The following PPP3CA variants were observed in gnomAD, a reference collection of about 807,000 sequenced individuals.
PPP3CA encodes the protein CAM-PRP catalytic subunit.
A neutral mutation model predicts 66.5 loss-of-function variants in PPP3CA; 14 were observed. The observed-to-expected ratio is 0.21, with a 90% CI of 0.14 to 0.33. The LOEUF (loss-of-function observed/expected upper bound fraction) is 0.33. PPP3CA is among the 10% of genes least tolerant of loss of function. The pLI is 1.00. For missense variants in PPP3CA, 317 were observed against 639.5 expected, an observed-to-expected ratio of 0.50 and a Z score of 5.44; for synonymous variants, 232 against 226.2, an observed-to-expected ratio of 1.03 and a Z score of -0.23.
chr4:101,198,820 C>G (rs1000492284), intron 1 of PPP3CA, among the ~76,000 whole-genome samples: 2 of 152,112 alleles, frequency 1.3e-5, no homozygotes, highest in African/African-American at 4.8e-5. Flanking sequence ...CCAGTAATTG[C>G]TAATCCTAAG....
At chr4:101,298,059 A>G (rs1304273885) in intron 1 of PPP3CA, among the ~76,000 whole-genome samples, 1 of 152,092 alleles carries the variant, frequency 6.6e-6, no homozygotes, top group Non-Finnish European at 1.5e-5. Flanking sequence ...GGAATAGGCA[A>G]TTCCAATAAG....
At chr4:101,179,239 T>C (rs1404988498) in intron 2 of PPP3CA, among the ~76,000 whole-genome samples, 1 of 151,948 alleles carries the variant, frequency 6.6e-6, no homozygotes, top group Non-Finnish European at 1.5e-5. Context: ...GTTCCTAGAG[T>C]GCTAGTTAAA....
At chr4:101,146,004 C>T (rs1369122427) in intron 2 of PPP3CA, among the ~76,000 whole-genome samples, 1 of 152,116 alleles carries the variant, frequency 6.6e-6, no homozygotes, top group African/African-American at 2.4e-5. Flanking sequence ...CATTGATTCA[C>T]AGATATTTTC....
chr4:101,275,416 C>T lies in PPP3CA; in HGVS notation c.58+71323G>A, dbSNP rs183243827. 5.3e-3 allele frequency among the ~76,000 whole-genome samples: 814 copies of T among 152,232 alleles called. 10 individuals are homozygous for T. The highest frequency in any genetic ancestry group is 0.018 in the African/African-American group (761 of 41,540). ...GTTATACCTTCTTTCACGTCAAATCCTTAAGAAACACGGTTGCCAGTATAT... is the reference window on the plus strand; with the variant it reads ...GTTATACCTTCTTTCACGTCAAATCTTTAAGAAACACGGTTGCCAGTATAT... On this transcript the variant is annotated intron_variant, in intron 1 of 13. Coordinates refer to ENST00000394854, the MANE Select transcript of PPP3CA (RefSeq NM_000944.5).
At chr4:101,123,868 C>T (rs1457925463) in intron 2 of PPP3CA, among the ~76,000 whole-genome samples, 1 of 152,102 alleles carries the variant, frequency 6.6e-6, no homozygotes, top group Non-Finnish European at 1.5e-5. Context: ...ATATCATCTC[C>T]CATACAAAGT....
At chr4:101,284,527 A>C (rs1727777447) in intron 1 of PPP3CA, among the ~76,000 whole-genome samples, 1 of 152,230 alleles carries the variant, frequency 6.6e-6, no homozygotes, top group Non-Finnish European at 1.5e-5. Context: ...AAAGATACCA[A>C]CTAAAAATGT....
intron 1 of PPP3CA, among the ~76,000 whole-genome samples, chr4:101,312,273 G>T (rs1480673489): frequency 1.3e-5 from 2 of 152,010 alleles, no homozygotes; most frequent in African/African-American, 2.4e-5. Flanking sequence ...TGTAAGTACA[G>T]ATGTTCCTCT....
intron 6 of PPP3CA, among the ~76,000 whole-genome samples, chr4:101,093,279 T>G (rs1257954230): frequency 6.6e-6 from 1 of 152,166 alleles, no homozygotes; most frequent in Non-Finnish European, 1.5e-5. Flanking sequence ...CCACCCTGAT[T>G]AGTCAGTAAC....
intron 3 of PPP3CA, among the ~76,000 whole-genome samples, chr4:101,106,798 T>G (rs1730776164): frequency 6.6e-6 from 1 of 152,152 alleles, no homozygotes; most frequent in African/African-American, 2.4e-5. Context: ...GTAGCCATCT[T>G]GGGTTACTAG....
At chr4:101,299,449 C>A (rs892730395) in intron 1 of PPP3CA, among the ~76,000 whole-genome samples, 1 of 151,330 alleles carries the variant, frequency 6.6e-6, no homozygotes, top group Non-Finnish European at 1.5e-5. Context: ...CTTGAACAAT[C>A]CTCCCACCTC....
intron 3 of PPP3CA, among the ~76,000 whole-genome samples, chr4:101,108,752 G>C (rs969464255): frequency 1.6e-4 from 25 of 152,248 alleles, no homozygotes; most frequent in African/African-American, 5.8e-4. Context: ...CTGGGCGACA[G>C]AGTGAGACTC....
intron 3 of PPP3CA, among the ~76,000 whole-genome samples, chr4:101,106,600 A>C (rs986876964): frequency 6.6e-6 from 1 of 152,106 alleles, no homozygotes; most frequent in Non-Finnish European, 1.5e-5. Flanking sequence ...TGCCTACCAC[A>C]GTCTTCCTTA....
chr4:101,256,704 T>C (rs1158590412), intron 1 of PPP3CA, among the ~76,000 whole-genome samples: 1 of 152,032 alleles, frequency 6.6e-6, no homozygotes, highest in African/African-American at 2.4e-5. Flanking sequence ...GCTTTATGTT[T>C]TGGGAATGTT....
At chr4:101,050,098 T>C (rs1353953939) in intron 10 of PPP3CA, among the ~76,000 whole-genome samples, 1 of 152,114 alleles carries the variant, frequency 6.6e-6, no homozygotes, top group Non-Finnish European at 1.5e-5. Context: ...AGAAAGTAGA[T>C]GGTCCCCAAG....
chr4:101,075,880 T>C (rs991909947), intron 8 of PPP3CA, among the ~76,000 whole-genome samples: 25 of 152,230 alleles, frequency 1.6e-4, no homozygotes, highest in Admixed American at 4.6e-4. Flanking sequence ...TCTATCATAC[T>C]ACCAGATTAT....
chr4:101,336,875 A>C (rs1476784684), intron 1 of PPP3CA, among the ~76,000 whole-genome samples: 7 of 152,204 alleles, frequency 4.6e-5, no homozygotes, highest in Admixed American at 4.6e-4. Context: ...AGATAGCCTA[A>C]GCTAGAATTC....
rs142111403 is a variant in PPP3CA, at chr4:101,196,339, G to A, written c.59-223C>T. ...TGCTTAAACAAAATTGATAGTTCTT[G>A]TTCATCCAGTACTATCTCTTGCATC... On this transcript the variant is annotated intron_variant, in intron 1 of 13. Transcript: ENST00000394854. Among the ~76,000 whole-genome samples the A allele has an allele frequency of 3.9e-4, 60 of 152,238 alleles. No individual in the cohort carries two copies. In the South Asian group the frequency reaches 4.6e-3, roughly 12 times the overall value.
chr4:101,267,445 ATTTAG>A (rs1224559792), intron 1 of PPP3CA, among the ~76,000 whole-genome samples: 1 of 152,194 alleles, frequency 6.6e-6, no homozygotes, highest in Non-Finnish European at 1.5e-5. Flanking sequence ...GGTACTCATT[ATTTAG>A]TGTGAAAGAC....
At chr4:101,243,515 C>CT (rs1381190130) in intron 1 of PPP3CA, among the ~76,000 whole-genome samples, 2 of 152,030 alleles carry the variant, frequency 1.3e-5, no homozygotes, top group African/African-American at 4.8e-5. Flanking sequence ...CATATATAGC[C>CT]TTTTTTCCTG....
Sources: gnomAD v4.1 joint callset for allele counts (sites outside exome capture counted in the v4.1 genomes callset) on GRCh38, gnomAD v4.1.1 for gene constraint, MANE v1.5 for transcripts, NCBI Gene and HGNC (gene_info 2026-07-23, HGNC 2026-07-21) for gene names.